SSX2IP: variants seen among roughly 807,000 people sequenced by gnomAD.
SSX2IP encodes SSX family member 2 interacting protein.
A neutral mutation model predicts 84.9 loss-of-function variants in SSX2IP; 55 were observed. The observed-to-expected ratio is 0.65, with a 90% CI of 0.52 to 0.81. The LOEUF is 0.81. SSX2IP is among the 30% of genes least tolerant of loss of function. SSX2IP has a pLI of 0.00. For synonymous variants in SSX2IP, 239 were observed against 234.7 expected (o/e 1.02, Z -0.17); for missense variants, 664 against 705.2 (o/e 0.94, Z 0.66).
intron 1 of SSX2IP, among the ~76,000 whole-genome samples, chr1:84,678,824 C>T (rs1654708646): frequency 6.6e-6 from 1 of 152,196 alleles, no homozygotes. Context: ...AAGTACAGTA[C>T]TTTAAGTGTT....
In SSX2IP at chr1:84,669,869, AAG is replaced by A; in HGVS notation, c.236_237del (p.Pro79LeufsTer4). Reference protein sequence around the residue: ...LDQELTTFGFPSLYEESKGKE... With the variant: ...LDQELTTFGFXSLYEESKGKE... ...TTACCTTTGGATTCTTCATATAATG[AAG>A]GAAAACCAAAAGTAGTCAATTCCTG... is the stretch of plus-strand genomic sequence containing the variant. On this transcript the variant is annotated frameshift_variant, in exon 4 of 14. Coordinates refer to ENST00000342203, the MANE Select transcript of SSX2IP (RefSeq NM_001166293.2). LOFTEE classifies it high-confidence loss of function. 6.2e-7 allele frequency: 1 copy of A among 1,613,090 alleles called. No homozygotes were observed. The highest frequency in any genetic ancestry group is 8.5e-7 in the Non-Finnish European group (1 of 1,179,436).
chr1:84,688,772 A>G (rs940198486), intron 1 of SSX2IP, among the ~76,000 whole-genome samples: 2 of 152,202 alleles, frequency 1.3e-5, no homozygotes, highest in Non-Finnish European at 2.9e-5. Context: ...TCCACATTTC[A>G]TCCTAGAATA....
chr1:84,654,415 C>T (rs1650772760), intron 11 of SSX2IP, among the ~76,000 whole-genome samples: 1 of 152,054 alleles, frequency 6.6e-6, no homozygotes, highest in African/African-American at 2.4e-5. Flanking sequence ...ATTCTATACA[C>T]AGCCAAACCA....
intron 9 of SSX2IP, 93 bp downstream of exon 9, chr1:84,658,225 C>T: frequency 7.0e-7 from 1 of 1,421,130 alleles, no homozygotes. Flanking sequence ...AGTACTTTAG[C>T]TCTGAGCCTA....
intron 11 of SSX2IP, among the ~76,000 whole-genome samples, chr1:84,652,711 C>A (rs141258529): frequency 8.6e-4 from 130 of 151,088 alleles, no homozygotes; most frequent in African/African-American, 3.0e-3. Flanking sequence ...GCCTGGGCAA[C>A]AAAGCAAGGC....
rs756434115 is a variant in SSX2IP, at chr1:84,650,380, G to A, written c.1652C>T (p.Ser551Phe). The A allele has an allele frequency of 1.2e-6, 2 of 1,614,068 alleles. No homozygotes were observed. The highest frequency in any genetic ancestry group is 2.7e-5 in the African/African-American group (2 of 74,924). ...CAAATACCTATGTTCAGATATGCAG[G>A]AACGTGTCTGGCAAAAGTCTGAAGT... ...PSTSDFCQTR[S>F]CISEHSSINV... Residue 551 changes from serine (S) to phenylalanine (F), a missense_variant, in exon 13 of 14, where the codon TCC becomes TTC. Coordinates refer to ENST00000342203, the MANE Select transcript of SSX2IP (RefSeq NM_001166293.2).
At chr1:84,664,849 C>T (rs1436412259) in intron 5 of SSX2IP, among the ~76,000 whole-genome samples, 1 of 152,122 alleles carries the variant, frequency 6.6e-6, no homozygotes, top group East Asian at 1.9e-4. Context: ...ATTAAAACTT[C>T]ATCTGAGATA....
At chr1:84,678,667 T>A (rs1654688741) in intron 1 of SSX2IP, among the ~76,000 whole-genome samples, 1 of 152,214 alleles carries the variant, frequency 6.6e-6, no homozygotes, top group Admixed American at 6.5e-5. Context: ...AATGGAAAAG[T>A]AGCAAAAGAA....
At chr1:84,657,166 TAA>T (rs1193851787) in intron 9 of SSX2IP, among the ~76,000 whole-genome samples, 2 of 152,164 alleles carry the variant, frequency 1.3e-5, no homozygotes, top group Non-Finnish European at 2.9e-5. Flanking sequence ...TTTCCTAGTT[TAA>T]AAGCATTCAA....
At chr1:84,679,396 T>C (rs1654783509) in intron 1 of SSX2IP, among the ~76,000 whole-genome samples, 3 of 152,204 alleles carry the variant, frequency 2.0e-5, no homozygotes, top group South Asian at 2.1e-4. Context: ...AGTGGTGCCA[T>C]TTTCCAGATA....
At chr1:84,671,151 G>C in intron 2 of SSX2IP, 26 bp downstream of exon 2, 1 of 1,601,050 alleles carries the variant, frequency 6.2e-7, no homozygotes, top group Non-Finnish European at 8.5e-7. Context: ...TTCTGCTTTT[G>C]TTTACAATTA....
At chr1:84,649,976 G>A (rs764547627) in intron 13 of SSX2IP, 8 of 586,004 alleles carry the variant, frequency 1.4e-5, no homozygotes, top group Non-Finnish European at 2.3e-5. Context: ...TGGGCATGCC[G>A]GAAAAAAGTG....
Position 84,656,285 on chromosome 1 carries a change from G to A in SSX2IP, c.1215+63C>T. The A allele has an allele frequency of 2.6e-6, 4 of 1,518,380 alleles. No individual in the cohort carries two copies. The South Asian group carries it at 5.0e-5, about 19-fold the overall frequency. 94.1% of individuals were successfully genotyped at this position (1,518,380 alleles called of 1,614,324 possible). A position where few individuals can be genotyped will look rare whatever the true frequency, so the allele number is the denominator to read the frequency against. On this transcript the variant is annotated intron_variant, in intron 10 of 13. Transcript: ENST00000342203. ...TATGAAATAAAGGAATACAAATCTG[G>A]TAAGGTTCAGCACAATTCTGGCTTT...
At chr1:84,661,020 T>C (rs1246417206) in intron 8 of SSX2IP, among the ~76,000 whole-genome samples, 1 of 145,974 alleles carries the variant, frequency 6.9e-6, no homozygotes, top group Admixed American at 7.0e-5. Flanking sequence ...CGAGTCGAGA[T>C]TGTGCCACTG....
At chr1:84,690,251 C>G (rs1036195871) in intron 1 of SSX2IP, 120 bp downstream of exon 1, 1 of 151,952 alleles carries the variant, frequency 6.6e-6, no homozygotes, top group Non-Finnish European at 1.5e-5. Flanking sequence ...AACAACGGGG[C>G]GCTGAGCCAG....
intron 8 of SSX2IP, 83 bp from the exon 9 acceptor site, chr1:84,658,551 T>C: frequency 6.9e-7 from 1 of 1,448,838 alleles, no homozygotes; most frequent in Non-Finnish European, 9.2e-7. Context: ...TCAGTTTGAT[T>C]ACCAGAGGAA....
chr1:84,666,574 T>C (rs889686604), intron 4 of SSX2IP, among the ~76,000 whole-genome samples: 2 of 152,270 alleles, frequency 1.3e-5, no homozygotes, highest in African/African-American at 4.8e-5. Flanking sequence ...ACCACACTTT[T>C]GAAGATCTCC....
chr1:84,663,339 C>A (rs1652305676), intron 6 of SSX2IP, among the ~76,000 whole-genome samples: 1 of 152,144 alleles, frequency 6.6e-6, no homozygotes, highest in South Asian at 2.1e-4. Flanking sequence ...CCTTAATAAA[C>A]TTCTCTGTGT....
chr1:84,675,927 T>C (rs1017291255), intron 1 of SSX2IP, among the ~76,000 whole-genome samples: 3 of 152,200 alleles, frequency 2.0e-5, no homozygotes, highest in African/African-American at 7.2e-5. Flanking sequence ...AACCAATTAA[T>C]GTACATCTTA....
Sources: gnomAD v4.1 joint callset for allele counts (sites outside exome capture counted in the v4.1 genomes callset) on GRCh38, gnomAD v4.1.1 for gene constraint, MANE v1.5 for transcripts, NCBI Gene and HGNC (gene_info 2026-07-23, HGNC 2026-07-21) for gene names.